GYPB: variants seen among roughly 807,000 people sequenced by gnomAD.
GYPB encodes the protein glycophorin B (MNS blood group).
In GYPB, 13 loss-of-function variants were observed where a neutral mutation model predicts 15.3. The observed-to-expected ratio is 0.85, with a 90% CI of 0.55 to 1.35. The LOEUF (loss-of-function observed/expected upper bound fraction) is 1.35. Among genes scored for constraint, GYPB ranks in the 40% most tolerant of loss-of-function variants. The pLI, the probability that GYPB is intolerant of heterozygous loss-of-function variation, is 0.00. For missense variants in GYPB, 131 were observed against 108.3 expected, an observed-to-expected ratio of 1.21 and a Z score of -0.93; for synonymous variants, 38 against 36.9, an observed-to-expected ratio of 1.03 and a Z score of -0.11.
chr4:143,995,879 G>T (rs888010753), downstream of GYPB, among the ~76,000 whole-genome samples: 4 of 151,248 alleles, frequency 2.6e-5, no homozygotes, highest in African/African-American at 9.9e-5. Context: ...GGCACCTTGG[G>T]TACTTGACTG....
chr4:144,011,320 C>T lies in GYPB; in HGVS notation c.37+7931G>A, dbSNP rs147194041. Among the ~76,000 whole-genome samples the T allele has an allele frequency of 7.0e-3, 1,067 of 151,398 alleles. 60 individuals carry two copies. The highest frequency in any genetic ancestry group is 0.025 in the African/African-American group (1,004 of 40,696). ...GCTTGAACCCGGGAGGCAGAGGTTG[C>T]AGTGAGCCGAGATCGTGCCACTGCA... On this transcript the variant is annotated intron_variant, in intron 1 of 4. Transcript: ENST00000502664.
At chr4:144,010,148 T>A (rs1222471803) in intron 1 of GYPB, among the ~76,000 whole-genome samples, 2 of 151,096 alleles carry the variant, frequency 1.3e-5, no homozygotes, top group East Asian at 1.9e-4. Flanking sequence ...ATCAGTCCAG[T>A]GGGTTGTCAC....
At chr4:143,997,170 A>T (rs1348670091) in intron 4 of GYPB, among the ~76,000 whole-genome samples, 1 of 151,164 alleles carries the variant, frequency 6.6e-6, no homozygotes, top group African/African-American at 2.5e-5. Context: ...GCCTCCTCCA[A>T]AGTTTTAAAC....
intron 1 of GYPB, among the ~76,000 whole-genome samples, chr4:144,012,111 A>T (rs1282025300): frequency 2.0e-5 from 3 of 151,928 alleles, no homozygotes; most frequent in East Asian, 3.8e-4. Flanking sequence ...ACAGCCACAC[A>T]GTTAGAGTTC....
Position 144,009,569 on chromosome 4 carries a change from CATTATT to C in GYPB, c.38-8292_38-8287del, listed in dbSNP as rs1215181474. The stretch of plus-strand genomic sequence containing the variant: ...GAATTTGAATTTCATATAATATTCA[CATTATT>C]ATTATTATTTTGATTTTTTTTCTTT... On this transcript the variant is annotated intron_variant, in intron 1 of 4. Transcript: ENST00000502664. Among the ~76,000 whole-genome samples the C allele has an allele frequency of 8.4e-4, 114 of 134,944 alleles. 1 individual carries two copies. The Middle Eastern group carries it at 0.02, about 24-fold the overall frequency. The allele number at this position is 134,944 out of a possible 152,430, so 88.5% of individuals were successfully genotyped here.
chr4:143,999,426 G>C lies in GYPB; in HGVS notation c.160C>G (p.Arg54Gly). ...ATTAACATACCTGGTACAGTGAAAC[G>C]ATGGACAAGTTGTCCCGTTTCTCCT... ...TNGETGQLVH[R>G]FTVPAPVVII... Residue 54 changes from arginine (R) to glycine (G), a missense_variant, in exon 3 of 5, where the codon CGT (arginine) becomes GGT (glycine). Coordinates refer to ENST00000502664, the MANE Select transcript of GYPB (RefSeq NM_002100.6). 6.5e-7 allele frequency: 1 copy of C among 1,541,742 alleles called. No individual in the cohort carries two copies. Among genetic ancestry groups the C allele is most frequent in the South Asian group, 1.1e-5 (1 of 88,224 alleles).
Position 144,006,008 on chromosome 4 carries a change from T to A in GYPB, c.38-4725A>T, listed in dbSNP as rs761401155. ...GCAAATCTCTCAGATTGATAAGAGTTTAATGATTAAGTGGCAAATTAGTGC... is the reference window on the plus strand; with the variant it reads ...GCAAATCTCTCAGATTGATAAGAGTATAATGATTAAGTGGCAAATTAGTGC... On this transcript the variant is annotated intron_variant, in intron 1 of 4. Transcript: ENST00000502664. Among the ~76,000 whole-genome samples, 70 of 151,714 alleles carry A rather than the reference T, an allele frequency of 4.6e-4. 2 individuals carry two copies. The highest frequency in any genetic ancestry group is 7.6e-4 in the Non-Finnish European group (52 of 68,028).
chr4:143,996,183 T>C lies in GYPB; in HGVS notation c.*116A>G. Reference sequence around the variant, plus strand: ...GAGGCAGGAGAACAGGGAATTAGGATAGCCAGGGGTAGGGGCATAAGCAAA... The same window carrying C: ...GAGGCAGGAGAACAGGGAATTAGGACAGCCAGGGGTAGGGGCATAAGCAAA... On this transcript the variant is annotated 3_prime_UTR_variant, in exon 5 of 5. Coordinates refer to ENST00000502664, the MANE Select transcript of GYPB (RefSeq NM_002100.6). 6.5e-7 allele frequency: 1 copy of C among 1,538,930 alleles called. No individual in the cohort carries two copies. The highest frequency in any genetic ancestry group is 1.2e-5 in the South Asian group (1 of 83,262).
intron 1 of GYPB, among the ~76,000 whole-genome samples, chr4:144,013,109 C>G (rs1428451450): frequency 1.3e-5 from 2 of 151,468 alleles, no homozygotes; most frequent in Non-Finnish European, 2.9e-5. Context: ...AACAGAAAGA[C>G]AAAAATAAAT....
In GYPB at chr4:144,007,858, A is replaced by T. The variant is rs2323429; in HGVS notation, c.38-6575T>A. ...TCACCATATTGCCCATACTAGCCTC[A>T]AACTCCTAGGCTCAAGCAATTCTCC... is the stretch of plus-strand genomic sequence containing the variant. On this transcript the variant is annotated intron_variant, in intron 1 of 4. Transcript: ENST00000502664. 1.0e-4 allele frequency among the ~76,000 whole-genome samples: 15 copies of T among 150,658 alleles called. No homozygotes were observed. The East Asian group carries it at 1.2e-3, about 12-fold the overall frequency.
At chr4:143,999,284 CG>C in intron 3 of GYPB, 126 bp downstream of exon 3, 5 of 602,380 alleles carry the variant, frequency 8.3e-6, no homozygotes, top group Non-Finnish European at 1.5e-5. Flanking sequence ...TTTACAATTT[CG>C]TGTGAATAAA....
intron 1 of GYPB, 132 bp from the exon 2 acceptor site, chr4:144,001,415 A>C: frequency 6.7e-7 from 1 of 1,498,702 alleles, no homozygotes; most frequent in East Asian, 2.4e-5. Flanking sequence ...TATATCTTAC[A>C]TAATCTTTAG....
intron 3 of GYPB, among the ~76,000 whole-genome samples, chr4:143,998,202 C>T (rs532426000): frequency 4.0e-4 from 60 of 151,304 alleles, no homozygotes; most frequent in Admixed American, 1.7e-3. Flanking sequence ...TTATTCCTTC[C>T]ACAGTATTCT....
intron 1 of GYPB, among the ~76,000 whole-genome samples, chr4:144,018,898 A>T (rs1442267110): frequency 6.6e-6 from 1 of 151,326 alleles, no homozygotes; most frequent in Non-Finnish European, 1.5e-5. Flanking sequence ...TTTGTTAATA[A>T]CTCTTTAGTT....
At chr4:144,010,754 C>A (rs1728175708) in intron 1 of GYPB, among the ~76,000 whole-genome samples, 1 of 151,360 alleles carries the variant, frequency 6.6e-6, no homozygotes, top group Non-Finnish European at 1.5e-5. Context: ...GTGGCTCATG[C>A]ACACCTTTAT....
At chr4:144,018,169 G>A (rs1457523682) in intron 1 of GYPB, among the ~76,000 whole-genome samples, 1 of 151,156 alleles carries the variant, frequency 6.6e-6, no homozygotes, top group Non-Finnish European at 1.5e-5. Flanking sequence ...TAATCTTTAT[G>A]CAATTATTAT....
chr4:144,003,058 T>C (rs536478983), intron 1 of GYPB, among the ~76,000 whole-genome samples: 1 of 151,584 alleles, frequency 6.6e-6, no homozygotes, highest in South Asian at 2.1e-4. Flanking sequence ...TAAACAATAA[T>C]CTGGTGATAG....
intron 1 of GYPB, among the ~76,000 whole-genome samples, chr4:144,013,339 A>G (rs940016780): frequency 6.6e-6 from 1 of 151,136 alleles, no homozygotes; most frequent in Non-Finnish European, 1.5e-5. Context: ...AACTAGTTCA[A>G]CCATTGTGGA....
At chr4:144,016,802 C>T (rs1410406497) in intron 1 of GYPB, 1 of 444,510 alleles carries the variant, frequency 2.2e-6, no homozygotes. Context: ...ACTAACTTAC[C>T]TCCTGTTTCA....
Sources: gnomAD v4.1 joint callset for allele counts (sites outside exome capture counted in the v4.1 genomes callset) on GRCh38, gnomAD v4.1.1 for gene constraint, MANE v1.5 for transcripts, NCBI Gene and HGNC (gene_info 2026-07-23, HGNC 2026-07-21) for gene names.